The following DGKG variants were observed in gnomAD, a reference collection of about 807,000 sequenced individuals.
DGKG encodes the protein diacylglycerol kinase gamma.
Under a neutral mutation model 105.3 loss-of-function variants are expected in DGKG, and 78 were observed. The observed-to-expected ratio is 0.74, with a 90% CI of 0.62 to 0.89. The LOEUF (loss-of-function observed/expected upper bound fraction) is 0.89, where lower values mean the gene tolerates loss of function less well. Among genes scored for constraint, DGKG ranks in the 40% least tolerant of loss-of-function variants. DGKG has a pLI of 0.00. For synonymous variants in DGKG, 346 were observed against 367.1 expected (o/e 0.94, Z 0.66); for missense variants, 958 against 1,020.1 (o/e 0.94, Z 0.83).
intron 20 of DGKG, among the ~76,000 whole-genome samples, chr3:186,236,896 A>G (rs1362411496): frequency 1.3e-5 from 2 of 152,258 alleles, no homozygotes; most frequent in African/African-American, 4.8e-5. Flanking sequence ...AAGTACTCTG[A>G]GTTTCTAACC....
intron 1 of DGKG, among the ~76,000 whole-genome samples, chr3:186,339,758 T>C (rs75509116): frequency 1.3e-5 from 2 of 152,184 alleles, no homozygotes; most frequent in Non-Finnish European, 2.9e-5. Flanking sequence ...GCTTCTGATG[T>C]GGAGCACAAA....
Position 186,284,958 on chromosome 3 carries a change from G to A in DGKG, c.545-249C>T, listed in dbSNP as rs1345167337. Among the ~76,000 whole-genome samples, 1 of 152,214 alleles carries A rather than the reference G, an allele frequency of 6.6e-6. No homozygotes were observed. Among genetic ancestry groups the A allele is most frequent in the Non-Finnish European group, 1.5e-5 (1 of 68,032 alleles). On this transcript the variant is annotated intron_variant, in intron 6 of 24. Coordinates refer to ENST00000265022, the MANE Select transcript of DGKG (RefSeq NM_001346.3). The surrounding 1 kb of genome is among the most constrained non-coding windows in gnomAD (Gnocchi z 4.0). The stretch of plus-strand genomic sequence containing the variant: ...GTGGCTGATGAAGTCCAGGTCATGA[G>A]TGTAATTCCCTGGGGAGCATGAACA...
Position 186,160,821 on chromosome 3 carries a change from T to C in DGKG, c.2277+782A>G, listed in dbSNP as rs957870671. 10 of 985,378 alleles carry C rather than the reference T, an allele frequency of 1.0e-5. No homozygotes were observed. The Admixed American group carries it at 1.8e-4, about 18-fold the overall frequency. 61.0% of individuals were successfully genotyped at this position (985,378 alleles called of 1,614,324 possible). A position where few individuals can be genotyped will look rare whatever the true frequency, so the allele number is the denominator to read the frequency against. On this transcript the variant is annotated intron_variant, in intron 24 of 24. Coordinates refer to ENST00000265022, the MANE Select transcript of DGKG (RefSeq NM_001346.3). ...ACGAGATTCTAGCTGCATTTCTAAC[T>C]GAGGACAAACTAAGAAGGAAGGATG...
intron 2 of DGKG, among the ~76,000 whole-genome samples, chr3:186,315,475 AG>A (rs1578823667): frequency 6.6e-6 from 1 of 152,298 alleles, no homozygotes; most frequent in South Asian, 2.1e-4. Context: ...AACAAGTTCC[AG>A]GTTGTCCATG....
intron 1 of DGKG, among the ~76,000 whole-genome samples, chr3:186,329,216 T>C: frequency 6.6e-6 from 1 of 152,228 alleles, no homozygotes; most frequent in East Asian, 1.9e-4. Flanking sequence ...TTTATGTCTC[T>C]ACAGCTATGT....
At position 186,306,976 on chromosome 3, in the gene DGKG, A is replaced by G. The variant is rs201254023; in HGVS notation, c.69T>C (p.Tyr23=). ...AGGCATCTTTTATCTTCTTGGAGGA[A>G]TCTGAAGAGACACAATTCACATGTG... ...EFDQLQKYSE[Y]SSKKIKDALT... The change falls in exon 3 of 25, where the codon TAT becomes TAC. Residue 23 remains tyrosine (Y), a splice_region_variant and synonymous_variant. Coordinates refer to ENST00000265022, the MANE Select transcript of DGKG (RefSeq NM_001346.3). 4.8e-5 allele frequency: 78 copies of G among 1,608,704 alleles called. No homozygotes were observed. In the East Asian group the frequency reaches 1.7e-3, roughly 35 times the overall value.
rs1266769445 is a variant in DGKG at position 186,149,478 on chromosome 3, A to G, written c.*612T>C. The stretch of plus-strand genomic sequence containing the variant: ...CGACGGCGCAGAAACCCAAGAATGG[A>G]AATACAGCTTTCCACAGCCTTTCTG... On this transcript the variant is annotated 3_prime_UTR_variant, in exon 25 of 25. Transcript: ENST00000265022. 5 of 985,346 alleles carry G rather than the reference A, an allele frequency of 5.1e-6. No individual in the cohort carries two copies. The highest frequency in any genetic ancestry group is 3.5e-5 in the African/African-American group (2 of 57,250). 61.0% of individuals were successfully genotyped at this position (985,346 alleles called of 1,614,324 possible).
Position 186,150,495 on chromosome 3 carries a change from A to C in DGKG, c.2278-307T>G, listed in dbSNP as rs1027330868. Reference sequence around the variant, plus strand: ...TCTCAGAATGTCACAGCCAGAGGAGACCTCAGGGACTCAATCGACCCCTCT... The same window carrying C: ...TCTCAGAATGTCACAGCCAGAGGAGCCCTCAGGGACTCAATCGACCCCTCT... On this transcript the variant is annotated intron_variant, in intron 24 of 24. Coordinates refer to ENST00000265022, the MANE Select transcript of DGKG (RefSeq NM_001346.3). 4.7e-4 allele frequency among the ~76,000 whole-genome samples: 71 copies of C among 152,016 alleles called. 2 individuals carry two copies. Among genetic ancestry groups the C allele is most frequent in the Non-Finnish European group, 1.0e-4 (7 of 67,990 alleles).
chr3:186,225,811 G>A (rs776501386), intron 20 of DGKG, among the ~76,000 whole-genome samples: 2 of 152,162 alleles, frequency 1.3e-5, no homozygotes, highest in Non-Finnish European at 2.9e-5. Context: ...TTCCCTGGAC[G>A]ATGCTTCAAA....
chr3:186,302,460 CTATATATATATATA>C lies in DGKG; in HGVS notation c.145-4245_145-4232del, dbSNP rs58937810. On this transcript the variant is annotated intron_variant, in intron 3 of 24. Transcript: ENST00000265022. ...AGATTGGAAAAAGGGGGGAAATGTG[CTATATATATATATA>C]TATATATATATATATATATATATAT... Among the ~76,000 whole-genome samples the C allele has an allele frequency of 2.2e-3, 108 of 48,780 alleles. 1 individual carries two copies. The East Asian group carries it at 0.042, about 19-fold the overall frequency. The allele number at this position is 48,780 out of a possible 152,430, so 32.0% of individuals were successfully genotyped here.
At chr3:186,156,747 G>T (rs1716054310) in intron 24 of DGKG, among the ~76,000 whole-genome samples, 1 of 149,834 alleles carries the variant, frequency 6.7e-6, no homozygotes, top group African/African-American at 2.5e-5. Flanking sequence ...GTCTTTTATT[G>T]CTTATATAAT....
chr3:186,173,897 C>G (rs1402556155), intron 22 of DGKG, among the ~76,000 whole-genome samples: 1 of 152,234 alleles, frequency 6.6e-6, no homozygotes, highest in Admixed American at 6.5e-5. Flanking sequence ...CCTGGCCTCT[C>G]AAAGCACCAG....
intron 24 of DGKG, among the ~76,000 whole-genome samples, chr3:186,155,289 T>A (rs542424100): frequency 1.3e-5 from 2 of 152,118 alleles, no homozygotes; most frequent in South Asian, 4.2e-4. Flanking sequence ...GCCTCCCGGG[T>A]TCAAGTGATT....
intron 2 of DGKG, among the ~76,000 whole-genome samples, chr3:186,316,266 A>G (rs903232596): frequency 2.6e-5 from 4 of 152,222 alleles, no homozygotes; most frequent in Non-Finnish European, 5.9e-5. Flanking sequence ...CAAGTTTTGA[A>G]GTTGTTTTGA....
At chr3:186,313,971 G>A (rs774444136) in intron 2 of DGKG, among the ~76,000 whole-genome samples, 1 of 152,034 alleles carries the variant, frequency 6.6e-6, no homozygotes, top group Admixed American at 6.6e-5. Context: ...GCCTTCTATG[G>A]TTCTACATAT....
chr3:186,243,458 C>T (rs1720783108), intron 19 of DGKG, among the ~76,000 whole-genome samples: 1 of 152,144 alleles, frequency 6.6e-6, no homozygotes, highest in South Asian at 2.1e-4. Flanking sequence ...GCCCCCACTC[C>T]ACACCGTGGC....
At chr3:186,239,562 G>C (rs1259859060) in intron 20 of DGKG, among the ~76,000 whole-genome samples, 6 of 152,210 alleles carry the variant, frequency 3.9e-5, no homozygotes, top group African/African-American at 1.4e-4. Context: ...GGACAAATTG[G>C]GCACTCCTGG....
At chr3:186,185,623 G>C (rs741482) in intron 22 of DGKG, among the ~76,000 whole-genome samples, 9,155 of 152,228 alleles carry the variant, frequency 0.06, 352 homozygotes, top group Middle Eastern at 0.14. Flanking sequence ...CTAGATACCA[G>C]AGCGGGGGTT....
intron 22 of DGKG, among the ~76,000 whole-genome samples, chr3:186,172,760 C>T (rs1716883781): frequency 6.6e-6 from 1 of 152,234 alleles, no homozygotes; most frequent in Admixed American, 6.5e-5. Flanking sequence ...AAACTCTACA[C>T]TAAGTTCTTG....
Sources: gnomAD v4.1 joint callset for allele counts (sites outside exome capture counted in the v4.1 genomes callset) on GRCh38, gnomAD v4.1.1 for gene constraint, Gnocchi (gnomAD v3.1) non-coding constraint, MANE v1.5 for transcripts, NCBI Gene and HGNC (gene_info 2026-07-23, HGNC 2026-07-21) for gene names.